The following ZNF423 variants were observed in gnomAD, a reference collection of about 807,000 sequenced individuals.
ZNF423 encodes Ebf-associated zinc finger protein.
Under a neutral mutation model 95.8 loss-of-function variants are expected in ZNF423, and 12 were observed. That is an observed-to-expected ratio of 0.13 (90% CI 0.08 to 0.20). The LOEUF is 0.20. Ranked by LOEUF, ZNF423 falls within the 10% of genes least tolerant of loss-of-function variation. The pLI, the probability that ZNF423 is intolerant of heterozygous loss-of-function variation, is 1.00. For synonymous variants in ZNF423, 749 were observed against 711.9 expected (o/e 1.05, Z -0.83); for missense variants, 1,316 against 1,737.1 (o/e 0.76, Z 4.31).
At chr16:49,787,783 C>T (rs1202333336) in intron 2 of ZNF423, among the ~76,000 whole-genome samples, 1 of 152,140 alleles carries the variant, frequency 6.6e-6, no homozygotes, top group Admixed American at 6.5e-5. Flanking sequence ...CTGTCTGCAT[C>T]ACCTCCAGCC....
At chr16:49,573,699 T>C (rs919831411) in intron 5 of ZNF423, among the ~76,000 whole-genome samples, 6 of 152,116 alleles carry the variant, frequency 3.9e-5, no homozygotes, top group Non-Finnish European at 7.4e-5. Context: ...GGATTAAATC[T>C]CCAACACATG....
intron 2 of ZNF423, among the ~76,000 whole-genome samples, chr16:49,766,024 T>C (rs1199816568): frequency 6.6e-6 from 1 of 152,186 alleles, no homozygotes; most frequent in Non-Finnish European, 1.5e-5. Flanking sequence ...CACGAGAATG[T>C]GAATGTACCT....
intron 2 of ZNF423, among the ~76,000 whole-genome samples, chr16:49,781,445 C>T (rs2143773507): frequency 6.6e-6 from 1 of 152,304 alleles, no homozygotes; most frequent in Admixed American, 6.5e-5. Context: ...ACTGCGAGTT[C>T]AGCGTGGACT....
chr16:49,523,237 C>G (rs1405643921), intron 7 of ZNF423, among the ~76,000 whole-genome samples: 2 of 152,222 alleles, frequency 1.3e-5, no homozygotes, highest in Non-Finnish European at 2.9e-5. Flanking sequence ...AGACCTAACT[C>G]CTGTTCCCAC....
chr16:49,646,982 A>G (rs1973199612), intron 3 of ZNF423, among the ~76,000 whole-genome samples: 1 of 152,206 alleles, frequency 6.6e-6, no homozygotes, highest in Non-Finnish European at 1.5e-5. Context: ...TAACTGTGCA[A>G]AGTGACACTC....
At chr16:49,808,418 G>T (rs9302743) in intron 1 of ZNF423, among the ~76,000 whole-genome samples, 1 of 151,986 alleles carries the variant, frequency 6.6e-6, no homozygotes, top group African/African-American at 2.4e-5. Context: ...CCTAACAGAT[G>T]AAGGAATAAA....
In ZNF423 at chr16:49,579,893, C is replaced by T. The variant is rs55805462; in HGVS notation, c.3601+46277G>A. Among the ~76,000 whole-genome samples the T allele has an allele frequency of 7.5e-3, 1,141 of 152,272 alleles. 7 individuals carry two copies. The highest frequency in any genetic ancestry group is 9.6e-3 in the Non-Finnish European group (650 of 68,012). On this transcript the variant is annotated intron_variant, in intron 5 of 7. Coordinates refer to ENST00000563137, the MANE Select transcript of ZNF423 (RefSeq NM_001379286.1). ...CAGACCAACACACCTTCCTGCCTCA[C>T]ATGCAGTTTACCAGTGAGTTTGTCC...
intron 2 of ZNF423, among the ~76,000 whole-genome samples, chr16:49,755,316 G>A (rs568481090): frequency 1.3e-5 from 2 of 152,238 alleles, no homozygotes; most frequent in East Asian, 1.9e-4. Context: ...GAACCCTCCC[G>A]CCTCCTCGCC....
chr16:49,837,691 T>G (rs1020065398), intron 1 of ZNF423, among the ~76,000 whole-genome samples: 4 of 152,198 alleles, frequency 2.6e-5, no homozygotes, highest in Non-Finnish European at 4.4e-5. Flanking sequence ...CCCCAGATTT[T>G]GTCCCATCAT....
At chr16:49,646,574 C>CTTTTTCTTTTTCTTTTTTTT (rs1973179013) in intron 3 of ZNF423, among the ~76,000 whole-genome samples, 3 of 118,010 alleles carry the variant, frequency 2.5e-5, no homozygotes, top group African/African-American at 8.9e-5. Context: ...TTTTCTTTTT[C>CTTTTTCTTTTTCTTTTTTTT]TTTTTTTTTT....
intron 3 of ZNF423, among the ~76,000 whole-genome samples, chr16:49,702,933 ACAC>A: frequency 6.9e-6 from 1 of 144,436 alleles, no homozygotes; most frequent in Admixed American, 6.8e-5. Context: ...ACACACACAC[ACAC>A]ACACACACAC....
intron 5 of ZNF423, among the ~76,000 whole-genome samples, chr16:49,596,881 G>A (rs2151825015): frequency 6.6e-6 from 1 of 152,322 alleles, no homozygotes; most frequent in East Asian, 1.9e-4. Flanking sequence ...GATGGAATAT[G>A]GCAGGGCCAC....
intron 5 of ZNF423, among the ~76,000 whole-genome samples, chr16:49,546,744 T>A (rs1969458178): frequency 1.3e-5 from 2 of 152,196 alleles, no homozygotes; most frequent in Non-Finnish European, 2.9e-5. Context: ...GCACTTCTTA[T>A]CAGTCCCTAT....
intron 5 of ZNF423, among the ~76,000 whole-genome samples, chr16:49,535,913 A>G (rs12926464): frequency 0.21 from 32,535 of 152,154 alleles, 4,215 homozygotes; most frequent in African/African-American, 0.36. Context: ...ATGGCCTCTA[A>G]TAATACACAA....
intron 3 of ZNF423, among the ~76,000 whole-genome samples, chr16:49,685,911 C>A (rs77327973): frequency 0.048 from 7,273 of 152,256 alleles, 200 homozygotes; most frequent in East Asian, 0.071. Flanking sequence ...CCACCAATCC[C>A]CCCAACATGC....
chr16:49,664,859 T>C (rs553594486), intron 3 of ZNF423, among the ~76,000 whole-genome samples: 1 of 152,202 alleles, frequency 6.6e-6, no homozygotes, highest in Non-Finnish European at 1.5e-5. Flanking sequence ...TTGAGCGAGA[T>C]CGGGGGTGGC....
intron 1 of ZNF423, among the ~76,000 whole-genome samples, chr16:49,837,194 G>A (rs2144079262): frequency 6.6e-6 from 1 of 152,232 alleles, no homozygotes; most frequent in South Asian, 2.1e-4. Flanking sequence ...GCGAGCTGAG[G>A]CCTGGGGGTC....
chr16:49,767,836 T>C (rs1205443995), intron 2 of ZNF423, among the ~76,000 whole-genome samples: 1 of 152,190 alleles, frequency 6.6e-6, no homozygotes, highest in East Asian at 1.9e-4. Context: ...AGCCTGACAC[T>C]TGGGCCTTTG....
chr16:49,815,025 C>T (rs2034815159), intron 1 of ZNF423, among the ~76,000 whole-genome samples: 1 of 152,158 alleles, frequency 6.6e-6, no homozygotes, highest in East Asian at 1.9e-4. Flanking sequence ...TCGGGGAGGG[C>T]AGCCTGCTGG....
Sources: allele counts gnomAD v4.1 joint callset (sites outside exome capture counted in the v4.1 genomes callset), GRCh38; gene constraint gnomAD v4.1.1; transcripts MANE v1.5; gene names NCBI Gene and HGNC (gene_info 2026-07-23, HGNC 2026-07-21).